LRGUK: variants seen among roughly 807,000 people sequenced by gnomAD.
LRGUK encodes leucine rich repeats and guanylate kinase domain containing.
In LRGUK, 65 loss-of-function variants were observed where a neutral mutation model predicts 76.0. The observed-to-expected ratio is 0.85, with a 90% CI of 0.70 to 1.05. The LOEUF is 1.05. Ranked by LOEUF, LRGUK falls within the 50% of genes least tolerant of loss-of-function variation. The pLI is 0.00. For synonymous variants in LRGUK, 268 were observed against 265.6 expected, an observed-to-expected ratio of 1.01 and a Z score of -0.09; for missense variants, 758 against 732.8, an observed-to-expected ratio of 1.03 and a Z score of -0.40.
chr7:134,147,858 G>A (rs199709081), intron 4 of LRGUK, among the ~76,000 whole-genome samples: 1 of 151,826 alleles, frequency 6.6e-6, no homozygotes, highest in African/African-American at 2.4e-5. Context: ...TCAGGAGATC[G>A]AGACCATCCT....
At chr7:134,166,051 GCTCCCC>G (rs774531900) in intron 7 of LRGUK, among the ~76,000 whole-genome samples, 19,898 of 151,426 alleles carry the variant, frequency 0.13, 1,628 homozygotes, top group East Asian at 0.32. Flanking sequence ...CAACCCGCAG[GCTCCCC>G]AAATATTCTT....
intron 15 of LRGUK, among the ~76,000 whole-genome samples, chr7:134,204,303 T>C (rs1331157053): frequency 2.0e-5 from 3 of 152,174 alleles, no homozygotes; most frequent in African/African-American, 7.2e-5. Flanking sequence ...CATAGAAAAA[T>C]AGACTTTGAT....
At chr7:134,255,279 T>C (rs562804447) in intron 18 of LRGUK, among the ~76,000 whole-genome samples, 1 of 150,060 alleles carries the variant, frequency 6.7e-6, no homozygotes, top group Admixed American at 6.6e-5. Context: ...TTATAACTAC[T>C]ACCCGGCGAG....
intron 8 of LRGUK, among the ~76,000 whole-genome samples, chr7:134,175,356 C>T (rs1799437445): frequency 6.6e-6 from 1 of 152,046 alleles, no homozygotes. Context: ...TTGTTTGTAT[C>T]TTGATGAACA....
chr7:134,197,184 T>C (rs1800527615), intron 13 of LRGUK, 79 bp downstream of exon 13: 2 of 790,616 alleles, frequency 2.5e-6, no homozygotes, highest in African/African-American at 3.5e-5. Flanking sequence ...TGTGTGTGTG[T>C]ATATATGTAT....
At chr7:134,250,411 C>T (rs1802415272) in intron 18 of LRGUK, among the ~76,000 whole-genome samples, 1 of 151,806 alleles carries the variant, frequency 6.6e-6, no homozygotes, top group Non-Finnish European at 1.5e-5. Context: ...TTGTTCACCC[C>T]CCGTATTTTC....
intron 5 of LRGUK, among the ~76,000 whole-genome samples, chr7:134,152,185 C>T (rs771933031): frequency 2.6e-5 from 4 of 151,986 alleles, no homozygotes; most frequent in Non-Finnish European, 5.9e-5. Context: ...GAGAGTTCAA[C>T]ATGACCAGAT....
chr7:134,159,272 G>A (rs1018393046), intron 6 of LRGUK, among the ~76,000 whole-genome samples: 3 of 151,280 alleles, frequency 2.0e-5, no homozygotes, highest in Admixed American at 1.3e-4. Flanking sequence ...AGGAGGTCAA[G>A]GCTGCAGTGA....
intron 7 of LRGUK, among the ~76,000 whole-genome samples, chr7:134,173,692 T>A (rs989570515): frequency 4.6e-5 from 7 of 152,146 alleles, no homozygotes; most frequent in Admixed American, 2.6e-4. Context: ...AACATAAGTG[T>A]ACAAGTTAGC....
chr7:134,274,986 T>G, the LRGUK span, among the ~76,000 whole-genome samples: 1 of 152,156 alleles, frequency 6.6e-6, no homozygotes, highest in Admixed American at 6.5e-5. Context: ...TTTTATATTT[T>G]TTATTGAGTT....
At chr7:134,255,221 C>T (rs954309537) in intron 18 of LRGUK, among the ~76,000 whole-genome samples, 8 of 113,180 alleles carry the variant, frequency 7.1e-5, no homozygotes, top group African/African-American at 1.1e-4. Context: ...TATGTTATCT[C>T]AACACACACA....
intron 1 of LRGUK, among the ~76,000 whole-genome samples, chr7:134,132,362 TAAA>T (rs950492645): frequency 1.4e-5 from 2 of 145,134 alleles, no homozygotes; most frequent in African/African-American, 5.1e-5. Flanking sequence ...CTCAAAAAAA[TAAA>T]AAAAAAAGAA....
chr7:134,161,342 T>A (rs1335739460), intron 6 of LRGUK, among the ~76,000 whole-genome samples: 1 of 152,152 alleles, frequency 6.6e-6, no homozygotes, highest in Non-Finnish European at 1.5e-5. Flanking sequence ...TTTTCTATTA[T>A]GCTTTATATA....
Position 134,191,645 on chromosome 7 carries a change from A to G in LRGUK, c.1335-10A>G, listed in dbSNP as rs566040611. 14 of 1,584,928 alleles carry G rather than the reference A, an allele frequency of 8.8e-6. No individual in the cohort carries two copies. The highest frequency in any genetic ancestry group is 4.5e-5 in the South Asian group (4 of 89,112). Reference sequence around the variant, plus strand: ...AGAAATGGACTAGGTGATCTGTTTTATGATTTCAGGGCCTGTCATACCACA... The same window carrying G: ...AGAAATGGACTAGGTGATCTGTTTTGTGATTTCAGGGCCTGTCATACCACA... On this transcript the variant is annotated splice_polypyrimidine_tract_variant and intron_variant, in intron 11 of 15. Coordinates refer to ENST00000645682, the Ensembl canonical transcript of LRGUK.
At chr7:134,207,397 T>C (rs1585556322) in intron 15 of LRGUK, among the ~76,000 whole-genome samples, 1 of 152,232 alleles carries the variant, frequency 6.6e-6, no homozygotes, top group Non-Finnish European at 1.5e-5. Flanking sequence ...CACAGTTTTA[T>C]TTTTCAATTT....
At chr7:134,146,949 A>G (rs1329290727) in intron 4 of LRGUK, among the ~76,000 whole-genome samples, 1 of 116,056 alleles carries the variant, frequency 8.6e-6, no homozygotes, top group Non-Finnish European at 1.8e-5. Context: ...TCCTTAAAAA[A>G]ACTTTTTTTG....
At chr7:134,263,718 T>G in intron 19 of LRGUK, 127 bp from the exon 20 acceptor site, 1 of 936,614 alleles carries the variant, frequency 1.1e-6, no homozygotes, top group Non-Finnish European at 1.5e-6. Context: ...CCTGGCCTCA[T>G]TTATTTCTTA....
chr7:134,230,737 C>T (rs1801870223), intron 16 of LRGUK, among the ~76,000 whole-genome samples: 1 of 152,164 alleles, frequency 6.6e-6, no homozygotes, highest in Non-Finnish European at 1.5e-5. Flanking sequence ...AGAATACGCG[C>T]TATACATGCA....
At chr7:134,178,551 C>G in exon 10 of LRGUK, 14 of 1,613,314 alleles carry the variant, frequency 8.7e-6, no homozygotes, top group Non-Finnish European at 1.2e-5. Flanking sequence ...GGTTGCAGCT[C>G]AAGACCACCT....
Sources: gnomAD v4.1 joint callset for allele counts (sites outside exome capture counted in the v4.1 genomes callset) on GRCh38, gnomAD v4.1.1 for gene constraint, MANE v1.5 for transcripts, NCBI Gene and HGNC (gene_info 2026-07-23, HGNC 2026-07-21) for gene names.